DLGAP2: variants seen among roughly 807,000 people sequenced by gnomAD.
DLGAP2 encodes disks large-associated protein 2.
A neutral mutation model predicts 100.3 loss-of-function variants in DLGAP2; 26 were observed. The observed-to-expected ratio is 0.26, with a 90% CI of 0.19 to 0.36. The LOEUF is 0.36. Ranked by LOEUF, DLGAP2 falls within the 10% of genes least tolerant of loss-of-function variation. DLGAP2 has a pLI of 1.00. For synonymous variants in DLGAP2, 886 were observed against 630.1 expected, an observed-to-expected ratio of 1.41 and a Z score of -6.08; for missense variants, 1,858 against 1,453.2, an observed-to-expected ratio of 1.28 and a Z score of -4.53.
At chr8:1,277,444 G>A (rs1354680164) in intron 3 of DLGAP2, among the ~76,000 whole-genome samples, 3 of 152,126 alleles carry the variant, frequency 2.0e-5, no homozygotes, top group Non-Finnish European at 4.4e-5. Context: ...ACAAACATCT[G>A]ACCTGTGATA....
intron 3 of DLGAP2, among the ~76,000 whole-genome samples, chr8:1,485,047 G>C (rs1278156827): frequency 6.6e-6 from 1 of 152,184 alleles, no homozygotes; most frequent in African/African-American, 2.4e-5. Context: ...ATCAGGCATT[G>C]CCACGGCCTC....
chr8:916,558 A>G (rs1054005223), intron 2 of DLGAP2, among the ~76,000 whole-genome samples: 7 of 152,226 alleles, frequency 4.6e-5, no homozygotes, highest in African/African-American at 1.7e-4. Context: ...CCTAATGTAA[A>G]TGATGAGTTA....
At chr8:874,790 A>G (rs918186062) in intron 1 of DLGAP2, among the ~76,000 whole-genome samples, 9 of 152,162 alleles carry the variant, frequency 5.9e-5, no homozygotes, top group Admixed American at 2.6e-4. Context: ...TAGTTGATCT[A>G]TCCATCATTA....
At chr8:1,156,043 C>G (rs974559566) in intron 2 of DLGAP2, among the ~76,000 whole-genome samples, 6 of 152,148 alleles carry the variant, frequency 3.9e-5, no homozygotes, top group Non-Finnish European at 8.8e-5. Flanking sequence ...GTCCCTGACA[C>G]CCGCACGGCT....
intron 5 of DLGAP2, among the ~76,000 whole-genome samples, chr8:1,554,503 C>G (rs1419842319): frequency 6.6e-6 from 1 of 152,064 alleles, no homozygotes; most frequent in Non-Finnish European, 1.5e-5. Flanking sequence ...TGCTGGTTTC[C>G]TTCACGCCCT....
At chr8:1,696,975 A>G (rs1487720340) in intron 13 of DLGAP2, among the ~76,000 whole-genome samples, 172 bp from the exon 14 acceptor site, 4 of 152,252 alleles carry the variant, frequency 2.6e-5, no homozygotes, top group South Asian at 4.1e-4. Context: ...TACGTGTGCT[A>G]AAGTAAACTG....
intron 2 of DLGAP2, among the ~76,000 whole-genome samples, chr8:1,018,253 G>A (rs1801528060): frequency 6.6e-6 from 1 of 152,154 alleles, no homozygotes; most frequent in African/African-American, 2.4e-5. Context: ...CCCAGACTCT[G>A]ACACCATAGG....
intron 6 of DLGAP2, among the ~76,000 whole-genome samples, chr8:1,576,812 C>A (rs562189908): frequency 6.6e-6 from 1 of 152,202 alleles, no homozygotes; most frequent in African/African-American, 2.4e-5. Context: ...CTGTTCTGTT[C>A]CATTGGTCTA....
chr8:889,223 A>G (rs1156813986), intron 1 of DLGAP2, among the ~76,000 whole-genome samples: 1 of 152,190 alleles, frequency 6.6e-6, no homozygotes, highest in Non-Finnish European at 1.5e-5. Context: ...GGAACCGGCC[A>G]TGTGGATGTG....
At position 1,315,544 on chromosome 8, in the gene DLGAP2, A is replaced by G. The variant is rs373043970; in HGVS notation, c.106+56661A>G. Among the ~76,000 whole-genome samples, 5 of 145,186 alleles carry G rather than the reference A, an allele frequency of 3.4e-5. No homozygotes were observed. In the East Asian group the frequency reaches 8.3e-4, roughly 24 times the overall value. On this transcript the variant is annotated intron_variant, in intron 3 of 14. Coordinates refer to ENST00000637795, the MANE Select transcript of DLGAP2 (RefSeq NM_001346810.2). ...TCCAACAGTGGTCTACACTCGAGAA[A>G]CTCGGCAGCGTTTAAAAATAGAGCC...
At chr8:1,422,689 C>T (rs1797128972) in intron 3 of DLGAP2, among the ~76,000 whole-genome samples, 1 of 151,944 alleles carries the variant, frequency 6.6e-6, no homozygotes, top group African/African-American at 2.4e-5. Flanking sequence ...GGGGGTGGTA[C>T]ACAGCAGGTG....
At chr8:796,361 G>A (rs952696837) in intron 1 of DLGAP2, among the ~76,000 whole-genome samples, 2 of 152,206 alleles carry the variant, frequency 1.3e-5, no homozygotes, top group Admixed American at 6.5e-5. Flanking sequence ...CGGCCCCTCC[G>A]AGACTCCGAA....
chr8:1,507,249 C>T (rs1389572555), intron 4 of DLGAP2, among the ~76,000 whole-genome samples: 3 of 152,212 alleles, frequency 2.0e-5, no homozygotes, highest in Non-Finnish European at 2.9e-5. Context: ...GGGAGCCCAC[C>T]GCGAGGGGGA....
Position 1,336,681 on chromosome 8 carries a change from C to T in DLGAP2, c.106+77798C>T, listed in dbSNP as rs950364594. 2.0e-5 allele frequency among the ~76,000 whole-genome samples: 3 copies of T among 152,194 alleles called. 1 individual carries two copies. The highest frequency in any genetic ancestry group is 4.1e-4 in the South Asian group (2 of 4,830). Reference sequence around the variant, plus strand: ...GGGGCCCCTCAAGGAACGTGTCTTGCTTCTGTTGAGCCACTCTTTTCTCAC... The same window carrying T: ...GGGGCCCCTCAAGGAACGTGTCTTGTTTCTGTTGAGCCACTCTTTTCTCAC... On this transcript the variant is annotated intron_variant, in intron 3 of 14. Transcript: ENST00000637795.
chr8:1,020,758 A>G (rs1267728264), intron 2 of DLGAP2, among the ~76,000 whole-genome samples: 3 of 152,170 alleles, frequency 2.0e-5, no homozygotes, highest in Non-Finnish European at 2.9e-5. Context: ...TACGCACAGA[A>G]CCCAGGGCAC....
At chr8:1,524,149 C>T (rs1426577533) in intron 4 of DLGAP2, among the ~76,000 whole-genome samples, 1 of 152,144 alleles carries the variant, frequency 6.6e-6, no homozygotes, top group Non-Finnish European at 1.5e-5. Context: ...AAGCAGAGAC[C>T]AGAGTGGGCT....
intron 2 of DLGAP2, among the ~76,000 whole-genome samples, chr8:1,062,965 C>T (rs1285715824): frequency 5.9e-5 from 9 of 152,152 alleles, no homozygotes; most frequent in Non-Finnish European, 1.3e-4. Context: ...ATGCAGCAGC[C>T]GGGCTGCTGG....
chr8:1,607,505 A>T (rs1192875063), intron 6 of DLGAP2, among the ~76,000 whole-genome samples: 3 of 152,258 alleles, frequency 2.0e-5, no homozygotes, highest in African/African-American at 7.2e-5. Flanking sequence ...AATATAAAGC[A>T]ATTTGAGGAA....
chr8:1,115,938 T>C (rs1805101493), intron 2 of DLGAP2, among the ~76,000 whole-genome samples: 1 of 152,220 alleles, frequency 6.6e-6, no homozygotes, highest in South Asian at 2.1e-4. Flanking sequence ...GCCTGGAATC[T>C]TCTAGAAGGC....
Sources: allele counts gnomAD v4.1 joint callset (sites outside exome capture counted in the v4.1 genomes callset), GRCh38; gene constraint gnomAD v4.1.1; transcripts MANE v1.5; gene names NCBI Gene and HGNC (gene_info 2026-07-23, HGNC 2026-07-21).